Variants in NR3C1 observed in about 807,000 individuals in gnomAD.
NR3C1 encodes the protein glucocorticoid receptor.
In NR3C1, 14 loss-of-function variants were observed where a neutral mutation model predicts 74.0. The ratio of observed to expected loss-of-function variants is 0.19; its 90% CI spans 0.12 to 0.30. The LOEUF (loss-of-function observed/expected upper bound fraction) is 0.30, where lower values mean the gene tolerates loss of function less well. NR3C1 is among the 10% of genes least tolerant of loss of function. NR3C1 has a pLI of 1.00. For missense variants in NR3C1, 695 were observed against 909.8 expected, an observed-to-expected ratio of 0.76 and a Z score of 3.04; for synonymous variants, 308 against 332.5, an observed-to-expected ratio of 0.93 and a Z score of 0.80.
chr5:143,317,387 G>A (rs1822366940), intron 2 of NR3C1, among the ~76,000 whole-genome samples: 1 of 152,152 alleles, frequency 6.6e-6, no homozygotes, highest in Non-Finnish European at 1.5e-5. Flanking sequence ...ATCATTATCT[G>A]TAATAGTTAT....
upstream of NR3C1, chr5:143,404,170 C>T: frequency 5.1e-6 from 5 of 985,502 alleles, no homozygotes; most frequent in Non-Finnish European, 6.0e-6. Context: ...AGAGCCGGGG[C>T]GCCTCCCGCG....
intron 2 of NR3C1, among the ~76,000 whole-genome samples, chr5:143,332,000 C>T (rs1216812306): frequency 6.6e-6 from 1 of 152,076 alleles, no homozygotes; most frequent in Non-Finnish European, 1.5e-5. Flanking sequence ...ACCAATAAAA[C>T]AATGATTATG....
At chr5:143,365,770 A>G (rs1833073022) in intron 2 of NR3C1, among the ~76,000 whole-genome samples, 1 of 152,258 alleles carries the variant, frequency 6.6e-6, no homozygotes, top group South Asian at 2.1e-4. Context: ...GACAAGCCAA[A>G]TAAATTTTAA....
At chr5:143,334,631 G>C (rs1443569924) in intron 2 of NR3C1, among the ~76,000 whole-genome samples, 2 of 151,554 alleles carry the variant, frequency 1.3e-5, no homozygotes, top group Admixed American at 6.6e-5. Context: ...GGACATAATT[G>C]AATCTGGAGA....
Position 143,333,699 on chromosome 5 carries a change from C to T in NR3C1, c.1185-19531G>A, listed in dbSNP as rs577442255. Among the ~76,000 whole-genome samples, 5 of 152,204 alleles carry T rather than the reference C, an allele frequency of 3.3e-5. No individual in the cohort carries two copies. In the South Asian group the frequency reaches 1.0e-3, roughly 32 times the overall value. On this transcript the variant is annotated intron_variant, in intron 2 of 8. Transcript: ENST00000394464. ...AGGAAAATCGCTTGAACCCAGGAGGCAGAGACTGCAGTGAGCCAAGATTGC... is the reference window on the plus strand; with the variant it reads ...AGGAAAATCGCTTGAACCCAGGAGGTAGAGACTGCAGTGAGCCAAGATTGC...
intron 7 of NR3C1, among the ~76,000 whole-genome samples, chr5:143,283,726 A>C (rs1040330451): frequency 6.6e-6 from 1 of 152,192 alleles, no homozygotes; most frequent in Non-Finnish European, 1.5e-5. Context: ...AGAAAATGGT[A>C]CTAATAAGGA....
intron 1 of NR3C1, among the ~76,000 whole-genome samples, chr5:143,417,996 G>A (rs1386431710): frequency 1.3e-5 from 2 of 152,152 alleles, no homozygotes; most frequent in Non-Finnish European, 2.9e-5. Context: ...CATAGACATT[G>A]ATCACGTGCT....
At chr5:143,405,359 G>A, upstream of NR3C1, 2 of 985,558 alleles carry the variant, frequency 2.0e-6, no homozygotes, top group Non-Finnish European at 2.4e-6. Flanking sequence ...GACTGACGGC[G>A]GCTCCCCCTG....
chr5:143,372,967 C>T (rs1234945688), intron 2 of NR3C1, among the ~76,000 whole-genome samples: 1 of 151,834 alleles, frequency 6.6e-6, no homozygotes, highest in African/African-American at 2.4e-5. Context: ...ACAAAACAAG[C>T]AAAAAATAAA....
chr5:143,333,484 T>C (rs1826437443), intron 2 of NR3C1, among the ~76,000 whole-genome samples: 1 of 151,884 alleles, frequency 6.6e-6, no homozygotes, highest in Non-Finnish European at 1.5e-5. Flanking sequence ...AAAACTGTAT[T>C]GCTGGCCGGG....
intron 1 of NR3C1, among the ~76,000 whole-genome samples, chr5:143,408,833 C>G (rs1298145559): frequency 1.3e-5 from 2 of 152,036 alleles, no homozygotes; most frequent in Non-Finnish European, 2.9e-5. Flanking sequence ...AATTTTCGTG[C>G]AGATTTCTAA....
At chr5:143,290,369 G>C (rs1362390802) in intron 7 of NR3C1, among the ~76,000 whole-genome samples, 2 of 152,242 alleles carry the variant, frequency 1.3e-5, no homozygotes, top group African/African-American at 4.8e-5. Flanking sequence ...AGCTGTGACA[G>C]AGACTGTGCA....
intron 1 of NR3C1, among the ~76,000 whole-genome samples, chr5:143,434,070 C>T (rs1274050982): frequency 6.6e-6 from 1 of 152,216 alleles, no homozygotes; most frequent in African/African-American, 2.4e-5. Context: ...ACATAACTGG[C>T]CTCTTTACTT....
chr5:143,330,870 C>T (rs984908224), intron 2 of NR3C1, among the ~76,000 whole-genome samples: 2 of 152,136 alleles, frequency 1.3e-5, no homozygotes, highest in African/African-American at 2.4e-5. Context: ...GTTAAAATCG[C>T]CATACTGCCC....
chr5:143,332,515 T>C (rs912060950), intron 2 of NR3C1: 2 of 615,142 alleles, frequency 3.3e-6, no homozygotes, highest in African/African-American at 3.7e-5. Context: ...TGTTTACCTA[T>C]GTAACCTGCA....
intron 3 of NR3C1, among the ~76,000 whole-genome samples, chr5:143,313,664 G>A (rs1290222764): frequency 6.6e-6 from 1 of 151,826 alleles, no homozygotes; most frequent in African/African-American, 2.4e-5. Context: ...ATTAGCTTAT[G>A]GAAGTTAAAG....
Position 143,400,308 on chromosome 5 carries a change from C to T in NR3C1, c.532G>A (p.Gly178Ser). The T allele has an allele frequency of 1.9e-6, 3 of 1,609,696 alleles. No homozygotes were observed. The highest frequency in any genetic ancestry group is 2.5e-6 in the Non-Finnish European group (3 of 1,177,572). ...GTGGTATACAATTTCACATTGCCAC[C>T]GTTGGTGCCAGTCTGGCCCTTCAAA... ...QHLKGQTGTN[G>S]GNVKLYTTDQ... is the part of the protein sequence containing the mutation. Residue 178 changes from glycine (G) to serine (S), a missense_variant, in exon 2 of 9, where the codon GGT becomes AGT. Coordinates refer to ENST00000394464, the MANE Select transcript of NR3C1 (RefSeq NM_000176.3).
intron 2 of NR3C1, among the ~76,000 whole-genome samples, chr5:143,315,531 T>TA (rs1229006395): frequency 6.6e-6 from 1 of 152,142 alleles, no homozygotes; most frequent in East Asian, 1.9e-4. Flanking sequence ...GCCTTTTCTC[T>TA]AAAAAAGATG....
chr5:143,330,145 G>A (rs937241260), intron 2 of NR3C1, among the ~76,000 whole-genome samples: 12 of 152,138 alleles, frequency 7.9e-5, no homozygotes, highest in African/African-American at 2.7e-4. Flanking sequence ...AAAGTAACGT[G>A]TCTCTTCTAA....
Sources: gnomAD v4.1 joint callset for allele counts (sites outside exome capture counted in the v4.1 genomes callset) on GRCh38, gnomAD v4.1.1 for gene constraint, MANE v1.5 for transcripts, NCBI Gene and HGNC (gene_info 2026-07-23, HGNC 2026-07-21) for gene names.